PIK3C2G: variants seen among roughly 807,000 people sequenced by gnomAD.
PIK3C2G encodes phosphatidylinositol 3-kinase C2 domain-containing subunit gamma.
Under a neutral mutation model 181.1 loss-of-function variants are expected in PIK3C2G, and 168 were observed. The observed-to-expected ratio is 0.93, with a 90% confidence interval of 0.82 to 1.05. The LOEUF (loss-of-function observed/expected upper bound fraction) is 1.05. Among genes scored for constraint, PIK3C2G ranks in the 50% least tolerant of loss-of-function variants. The pLI, the probability that PIK3C2G is intolerant of heterozygous loss-of-function variation, is 0.00. For synonymous variants in PIK3C2G, 573 were observed against 592.2 expected (o/e 0.97, Z 0.47); for missense variants, 1,869 against 1,732.8 (o/e 1.08, Z -1.40).
chr12:18,289,912 C>T (rs1162995890), intron 3 of PIK3C2G, among the ~76,000 whole-genome samples: 1 of 152,046 alleles, frequency 6.6e-6, no homozygotes, highest in Non-Finnish European at 1.5e-5. Context: ...TTCATATTCA[C>T]CCTCAGAAAC....
chr12:18,701,114 A>C, the PIK3C2G span, among the ~76,000 whole-genome samples: 12 of 151,970 alleles, frequency 7.9e-5, no homozygotes, highest in South Asian at 2.3e-3. Context: ...CGTCACAAGT[A>C]GTTGGAACTA....
At position 18,282,171 on chromosome 12, in the gene PIK3C2G, C is replaced by G. The variant is rs1565550087; in HGVS notation, c.90C>G (p.Pro30=). ...AAGAATTTCTCTTTGTAAATCAACC[C>G]CATTCTTCTAGCCAAGTCAGTCTGG... ...EHQEFLFVNQ[P]HSSSQVSLGF... is the part of the protein sequence containing the mutation. The change falls in exon 2 of 33, where the codon CCC becomes CCG. Residue 30 remains proline, a synonymous_variant. Coordinates refer to ENST00000538779, the MANE Select transcript of PIK3C2G (RefSeq NM_001288772.2). The G allele has an allele frequency of 6.2e-7, 1 of 1,611,692 alleles. No homozygotes were observed. The highest frequency in any genetic ancestry group is 1.6e-4 in the Middle Eastern group (1 of 6,062).
chr12:18,586,686 TGAG>T (rs1163668927), intron 29 of PIK3C2G, among the ~76,000 whole-genome samples: 3 of 151,942 alleles, frequency 2.0e-5, no homozygotes, highest in Admixed American at 2.0e-4. Flanking sequence ...TCCAAAAAAT[TGAG>T]AAGAGACTTT....
chr12:18,621,911 AT>A (rs1370519210), intron 31 of PIK3C2G, among the ~76,000 whole-genome samples: 3 of 151,728 alleles, frequency 2.0e-5, no homozygotes, highest in African/African-American at 7.2e-5. Flanking sequence ...TTATTCTACC[AT>A]TTATTTTATA....
chr12:18,296,017 C>T (rs1448603038), intron 5 of PIK3C2G, among the ~76,000 whole-genome samples: 1 of 152,000 alleles, frequency 6.6e-6, no homozygotes, highest in Non-Finnish European at 1.5e-5. Flanking sequence ...GACTCTAAAA[C>T]TTATAGAAGT....
chr12:18,506,470 G>A (rs1347951324), intron 24 of PIK3C2G, among the ~76,000 whole-genome samples: 3 of 152,158 alleles, frequency 2.0e-5, no homozygotes, highest in African/African-American at 7.2e-5. Context: ...AAAGGTAGAA[G>A]TAGTAAAAAC....
the PIK3C2G span, among the ~76,000 whole-genome samples, chr12:18,676,532 T>C: frequency 2.4e-4 from 37 of 152,236 alleles, no homozygotes; most frequent in Admixed American, 7.9e-4. Flanking sequence ...ATCACTTACA[T>C]ACATGGTAGT....
intron 24 of PIK3C2G, among the ~76,000 whole-genome samples, chr12:18,525,274 C>T (rs1054668130): frequency 7.9e-5 from 12 of 151,882 alleles, no homozygotes; most frequent in Non-Finnish European, 1.8e-4. Flanking sequence ...CAACTGTAAT[C>T]ACAGCTACTC....
At chr12:18,665,134 G>A in the PIK3C2G span, among the ~76,000 whole-genome samples, 1 of 151,126 alleles carries the variant, frequency 6.6e-6, no homozygotes, top group Non-Finnish European at 1.5e-5. Context: ...TTGTGCACAT[G>A]TACCCTAAAA....
intron 32 of PIK3C2G, among the ~76,000 whole-genome samples, chr12:18,644,312 C>A (rs1326993408): frequency 1.3e-5 from 2 of 152,100 alleles, no homozygotes; most frequent in African/African-American, 2.4e-5. Flanking sequence ...GGTGGGATTC[C>A]GGGCTCCAAA....
chr12:18,267,625 A>T (rs2137032689), intron 1 of PIK3C2G, among the ~76,000 whole-genome samples: 1 of 152,200 alleles, frequency 6.6e-6, no homozygotes, highest in East Asian at 1.9e-4. Context: ...TGTTTCTCAG[A>T]TTTTCAACTA....
At chr12:18,575,160 A>T (rs1256059487) in intron 29 of PIK3C2G, among the ~76,000 whole-genome samples, 1 of 152,150 alleles carries the variant, frequency 6.6e-6, no homozygotes, top group Non-Finnish European at 1.5e-5. Flanking sequence ...TATAGTCAGG[A>T]GCAAGAAGAG....
At position 18,338,472 on chromosome 12, in the gene PIK3C2G, T is replaced by A. The variant is rs1298111483; in HGVS notation, c.1319T>A (p.Val440Asp). 6.3e-7 allele frequency: 1 copy of A among 1,582,594 alleles called. No individual in the cohort carries two copies. Among genetic ancestry groups the A allele is most frequent in the Non-Finnish European group, 8.7e-7 (1 of 1,151,936 alleles). The change falls in exon 9 of 33, where the codon GTT becomes GAT. Residue 440 changes from valine to aspartate, a missense_variant. Physicochemically the swap from Val to Asp is radical, Grantham distance 152. Coordinates refer to ENST00000538779, the MANE Select transcript of PIK3C2G (RefSeq NM_001288772.2). ...GAAGAAGTTAAAAAAATATGCAGTG[T>A]TCTAGGGTGTGTGGAAACCAAACAA... ...IIEEVKKICS[V>D]LGCVETKQIT...
intron 1 of PIK3C2G, among the ~76,000 whole-genome samples, chr12:18,275,628 G>T (rs1388180049): frequency 6.6e-6 from 1 of 152,046 alleles, no homozygotes. Context: ...TGATCCACCC[G>T]CCTCGGCCTC....
At chr12:18,306,904 C>A (rs548421152) in intron 5 of PIK3C2G, among the ~76,000 whole-genome samples, 2 of 151,682 alleles carry the variant, frequency 1.3e-5, no homozygotes, top group Non-Finnish European at 2.9e-5. Flanking sequence ...TCACAATACA[C>A]CTCTGTGACT....
At chr12:18,261,224 A>G (rs576888164), upstream of PIK3C2G, among the ~76,000 whole-genome samples, 2 of 152,212 alleles carry the variant, frequency 1.3e-5, no homozygotes, top group East Asian at 3.9e-4. Context: ...TTGAGGGGAA[A>G]TATGCCCACC....
chr12:18,571,520 G>A (rs765439733), intron 29 of PIK3C2G, among the ~76,000 whole-genome samples: 4 of 150,554 alleles, frequency 2.7e-5, no homozygotes, highest in Non-Finnish European at 5.9e-5. Flanking sequence ...TATATATTTT[G>A]TGACTGTTAT....
intron 1 of PIK3C2G, among the ~76,000 whole-genome samples, chr12:18,253,055 C>T (rs1417197649): frequency 6.6e-6 from 1 of 152,086 alleles, no homozygotes; most frequent in East Asian, 1.9e-4. Context: ...CTTTTCAAAA[C>T]TCATCAAGCT....
At chr12:18,481,146 G>C (rs2136019758) in intron 18 of PIK3C2G, among the ~76,000 whole-genome samples, 1 of 152,162 alleles carries the variant, frequency 6.6e-6, no homozygotes, top group South Asian at 2.1e-4. Context: ...ATGTTGGCCA[G>C]GATGGTCTCG....
Sources: allele counts gnomAD v4.1 joint callset (sites outside exome capture counted in the v4.1 genomes callset), GRCh38; gene constraint gnomAD v4.1.1; transcripts MANE v1.5; gene names NCBI Gene and HGNC (gene_info 2026-07-23, HGNC 2026-07-21).